ADGRF1: variants seen among roughly 807,000 people sequenced by gnomAD.
The protein encoded by ADGRF1 is adhesion G protein-coupled receptor F1.
ADGRF1 carries 85 observed loss-of-function variants against 87.2 expected under a neutral mutation model. The ratio of observed to expected loss-of-function variants is 0.97; its 90% CI spans 0.82 to 1.17. The LOEUF (loss-of-function observed/expected upper bound fraction) is 1.17, where lower values mean the gene tolerates loss of function less well. Ranked by LOEUF, ADGRF1 falls within the 50% of genes most tolerant of loss-of-function variation. The pLI, the probability that ADGRF1 is intolerant of heterozygous loss-of-function variation, is 0.00. For missense variants in ADGRF1, 1,169 were observed against 1,077.2 expected, an observed-to-expected ratio of 1.09 and a Z score of -1.19; for synonymous variants, 430 against 408.8, an observed-to-expected ratio of 1.05 and a Z score of -0.63.
Position 46,998,657 on chromosome 6 carries a change from T to A in ADGRF1, c.*1565A>T, listed in dbSNP as rs1001030411. On this transcript the variant is annotated 3_prime_UTR_variant, in exon 15 of 15. Transcript: ENST00000371253. ...AGAAATCTGAGCTATCTGAGCTATC[T>A]GAGAAATCTTCTCTCACTAAATTTG... is the stretch of plus-strand genomic sequence containing the variant. 2.0e-5 allele frequency: 3 copies of A among 152,256 alleles called. No homozygotes were observed. Among genetic ancestry groups the A allele is most frequent in the African/African-American group, 7.2e-5 (3 of 41,480 alleles). 9.4% of individuals were successfully genotyped at this position (152,256 alleles called of 1,614,324 possible).
intron 1 of ADGRF1, among the ~76,000 whole-genome samples, chr6:47,033,908 G>A (rs1780509736): frequency 6.6e-6 from 1 of 152,226 alleles, no homozygotes; most frequent in Non-Finnish European, 1.5e-5. Context: ...AATGGTTGGA[G>A]GTTTGGTAAG....
chr6:47,003,684 C>T (rs949276957), intron 13 of ADGRF1, among the ~76,000 whole-genome samples: 2 of 152,302 alleles, frequency 1.3e-5, no homozygotes, highest in African/African-American at 4.8e-5. Context: ...GTCCCTACTT[C>T]GAGTTGTCCC....
rs1779274483 is a variant in ADGRF1 at position 46,998,648 on chromosome 6, T to A, written c.*1574A>T. ...GTGGTTCTGAGAAATCTGAGCTATC[T>A]GAGCTATCTGAGAAATCTTCTCTCA... On this transcript the variant is annotated 3_prime_UTR_variant, in exon 15 of 15. Coordinates refer to ENST00000371253, the MANE Select transcript of ADGRF1 (RefSeq NM_153840.4). The A allele has an allele frequency of 6.6e-6, 1 of 152,248 alleles. No individual in the cohort carries two copies. The highest frequency in any genetic ancestry group is 1.5e-5 in the Non-Finnish European group (1 of 68,046). 9.4% of individuals were successfully genotyped at this position (152,248 alleles called of 1,614,324 possible). A position where few individuals can be genotyped will look rare whatever the true frequency, so the allele number is the denominator to read the frequency against.
At chr6:47,015,892 TG>T (rs1224658497) in intron 8 of ADGRF1, among the ~76,000 whole-genome samples, 3 of 151,816 alleles carry the variant, frequency 2.0e-5, no homozygotes, top group Non-Finnish European at 4.4e-5. Context: ...GCCACTGCAC[TG>T]GGCCTGGCTA....
At chr6:47,000,655 A>G (rs1156260249) in intron 14 of ADGRF1, among the ~76,000 whole-genome samples, 1 of 152,190 alleles carries the variant, frequency 6.6e-6, no homozygotes, top group Non-Finnish European at 1.5e-5. Flanking sequence ...ACTTGTAAAA[A>G]AGCGCTCAAG....
In ADGRF1 at chr6:46,999,715, G is replaced by A. The variant is rs1779307785; in HGVS notation, c.*507C>T. 6.6e-6 allele frequency: 1 copy of A among 152,642 alleles called. No individual in the cohort carries two copies. Among genetic ancestry groups the A allele is most frequent in the Non-Finnish European group, 1.5e-5 (1 of 68,378 alleles). The allele number at this position is 152,642 out of a possible 1,614,324, so 9.5% of individuals were successfully genotyped here. ...AAGTGATAGAACCTAAGAAGCAAAAGCGAACATAAAATTCAACTGGAAAAT... is the reference window on the plus strand; with the variant it reads ...AAGTGATAGAACCTAAGAAGCAAAAACGAACATAAAATTCAACTGGAAAAT... On this transcript the variant is annotated 3_prime_UTR_variant, in exon 15 of 15. Coordinates refer to ENST00000371253, the MANE Select transcript of ADGRF1 (RefSeq NM_153840.4).
At chr6:47,020,432 G>A (rs764193860) in intron 7 of ADGRF1, 1 of 1,048,900 alleles carries the variant, frequency 9.5e-7, no homozygotes, top group South Asian at 1.5e-5. Context: ...GTAGGCAGAG[G>A]TTGCAGGGTT....
rs1779726198 is a variant in ADGRF1 at position 47,012,123 on chromosome 6, T to C, written c.1000A>G (p.Ile334Val). ...ACTGTGGTTGATGGGTTTTGCCGAATGATGACAGAAAGATTTTGCACGAAG... is the reference window on the plus strand; with the variant it reads ...ACTGTGGTTGATGGGTTTTGCCGAACGATGACAGAAAGATTTTGCACGAAG... ...SSFVQNLSVIIRQNPSTTVGN... is the reference protein window; with the variant it reads ...SSFVQNLSVIVRQNPSTTVGN... The change falls in exon 10 of 15, where the codon ATT (isoleucine) becomes GTT (valine). Residue 334 changes from isoleucine (I) to valine (V), a missense_variant. Coordinates refer to ENST00000371253, the MANE Select transcript of ADGRF1 (RefSeq NM_153840.4). 6.2e-7 allele frequency: 1 copy of C among 1,614,010 alleles called. No homozygotes were observed. Among genetic ancestry groups the C allele is most frequent in the African/African-American group, 1.3e-5 (1 of 74,932 alleles).
chr6:47,024,687 G>A (rs1447076567), intron 4 of ADGRF1, among the ~76,000 whole-genome samples: 1 of 152,154 alleles, frequency 6.6e-6, no homozygotes, highest in African/African-American at 2.4e-5. Context: ...AAAAGTAATA[G>A]CAATTTTTGC....
chr6:47,012,760 C>G, intron 9 of ADGRF1: 1 of 985,418 alleles, frequency 1.0e-6, no homozygotes, highest in South Asian at 4.7e-5. Flanking sequence ...CCCGTTTTGT[C>G]ACAAGATTTG....
At chr6:47,019,827 T>C in intron 7 of ADGRF1, 1 of 984,054 alleles carries the variant, frequency 1.0e-6, no homozygotes, top group Non-Finnish European at 1.2e-6. Context: ...TAATAGTTGG[T>C]AATTAATGTA....
chr6:47,038,608 C>A (rs1258423126), intron 1 of ADGRF1, among the ~76,000 whole-genome samples: 2 of 152,122 alleles, frequency 1.3e-5, no homozygotes, highest in Admixed American at 6.6e-5. Flanking sequence ...TGAATACTCT[C>A]CTTCTAGCTA....
At chr6:47,026,269 A>G (rs1271651119) in intron 3 of ADGRF1, among the ~76,000 whole-genome samples, 1 of 151,100 alleles carries the variant, frequency 6.6e-6, no homozygotes, top group African/African-American at 2.4e-5. Flanking sequence ...CCCCAGAATC[A>G]CTCTCCCAAT....
At chr6:47,018,345 G>A (rs1779941318) in intron 7 of ADGRF1, 1 of 1,225,738 alleles carries the variant, frequency 8.2e-7, no homozygotes, top group Non-Finnish European at 1.0e-6. Flanking sequence ...GAGGCCCAAT[G>A]AGAAGTTGGG....
At chr6:47,024,875 A>G (rs1582175124) in intron 4 of ADGRF1, among the ~76,000 whole-genome samples, 1 of 152,172 alleles carries the variant, frequency 6.6e-6, no homozygotes, top group African/African-American at 2.4e-5. Context: ...AAGGATGTAT[A>G]CCCCATACAT....
At chr6:47,040,497 A>C (rs1780707521) in intron 1 of ADGRF1, among the ~76,000 whole-genome samples, 1 of 152,146 alleles carries the variant, frequency 6.6e-6, no homozygotes, top group Admixed American at 6.5e-5. Context: ...ATAAAAAAAA[A>C]AACAGGCAAA....
At chr6:47,034,314 G>A (rs1780525066) in intron 1 of ADGRF1, among the ~76,000 whole-genome samples, 1 of 152,124 alleles carries the variant, frequency 6.6e-6, no homozygotes, top group African/African-American at 2.4e-5. Flanking sequence ...ACCTAAGCCT[G>A]GAAAGATTAC....
At chr6:47,017,749 C>T (rs1779925035) in intron 7 of ADGRF1, 2 of 149,890 alleles carry the variant, frequency 1.3e-5, no homozygotes, top group African/African-American at 4.9e-5. Context: ...ATAGACTAAA[C>T]TAACCTGTGA....
At chr6:47,027,878 G>T in intron 2 of ADGRF1, 117 bp from the exon 3 acceptor site, 1 of 721,348 alleles carries the variant, frequency 1.4e-6, no homozygotes. Flanking sequence ...GCCAGGGATG[G>T]TGGAGAGGCG....
Sources: allele counts gnomAD v4.1 joint callset (sites outside exome capture counted in the v4.1 genomes callset), GRCh38; gene constraint gnomAD v4.1.1; transcripts MANE v1.5; gene names NCBI Gene and HGNC (gene_info 2026-07-23, HGNC 2026-07-21).